The following GPHN variants were observed in gnomAD, a reference collection of about 807,000 sequenced individuals.
GPHN encodes the protein gephyrin.
Under a neutral mutation model 95.5 loss-of-function variants are expected in GPHN, and 17 were observed. The observed-to-expected ratio is 0.18, with a 90% confidence interval of 0.12 to 0.27. The LOEUF is 0.27. GPHN is among the 10% of genes least tolerant of loss of function. The pLI is 1.00. For synonymous variants in GPHN, 320 were observed against 322.5 expected (o/e 0.99, Z 0.08); for missense variants, 660 against 978.1 (o/e 0.67, Z 4.34).
intron 2 of GPHN, among the ~76,000 whole-genome samples, chr14:66,704,020 T>C (rs1595616578): frequency 6.7e-6 from 1 of 148,346 alleles, no homozygotes; most frequent in South Asian, 2.1e-4. Flanking sequence ...GTTGCAATCC[T>C]AGACTCTGAC....
the GPHN span, among the ~76,000 whole-genome samples, chr14:67,423,545 C>G: frequency 6.6e-6 from 1 of 151,964 alleles, no homozygotes; most frequent in Non-Finnish European, 1.5e-5. Context: ...CCAGGGAACT[C>G]AAAGGGAAAG....
chr14:67,347,569 T>C, the GPHN span: 1 of 835,196 alleles, frequency 1.2e-6, no homozygotes, highest in East Asian at 2.7e-5. Context: ...TGGCGTGATC[T>C]CGCCTCACCG....
chr14:66,918,756 A>C (rs1471315455), intron 6 of GPHN, among the ~76,000 whole-genome samples: 1 of 152,130 alleles, frequency 6.6e-6, no homozygotes, highest in East Asian at 1.9e-4. Context: ...GGACCTAGAG[A>C]TCACTCCCAG....
At chr14:66,894,504 G>C (rs1380789265) in intron 5 of GPHN, among the ~76,000 whole-genome samples, 1 of 152,098 alleles carries the variant, frequency 6.6e-6, no homozygotes, top group Non-Finnish European at 1.5e-5. Flanking sequence ...AAGCAAAATT[G>C]ACAAATGGGA....
intron 1 of GPHN, among the ~76,000 whole-genome samples, chr14:66,594,898 G>A (rs574668514): frequency 6.6e-6 from 1 of 152,254 alleles, no homozygotes; most frequent in Admixed American, 6.5e-5. Context: ...GAGAAAGTAT[G>A]TGAGACCATA....
intron 18 of GPHN, among the ~76,000 whole-genome samples, chr14:67,155,526 A>G (rs1212446334): frequency 6.6e-6 from 1 of 152,218 alleles, no homozygotes; most frequent in East Asian, 1.9e-4. Flanking sequence ...TTTAAGAAAA[A>G]GGGATGACAA....
At chr14:67,169,352 A>C (rs2082467124) in intron 21 of GPHN, among the ~76,000 whole-genome samples, 2 of 152,200 alleles carry the variant, frequency 1.3e-5, no homozygotes, top group South Asian at 4.1e-4. Context: ...CTAACACTAG[A>C]CCTGTCTGGA....
chr14:67,150,438 C>T, intron 18 of GPHN, among the ~76,000 whole-genome samples: 1 of 60,120 alleles, frequency 1.7e-5, no homozygotes, highest in Non-Finnish European at 2.3e-5. Flanking sequence ...GAGACTCCGT[C>T]TCAAAAAAAA....
intron 21 of GPHN, among the ~76,000 whole-genome samples, chr14:67,173,871 A>C (rs1415132389): frequency 1.3e-5 from 2 of 152,202 alleles, no homozygotes; most frequent in Non-Finnish European, 2.9e-5. Context: ...TCATAAAAAA[A>C]AACAGAAATC....
chr14:67,410,131 C>T, the GPHN span, among the ~76,000 whole-genome samples: 4 of 152,100 alleles, frequency 2.6e-5, no homozygotes, highest in Admixed American at 6.6e-5. Flanking sequence ...AACCAGGCCA[C>T]CCAGAAGAGA....
the GPHN span, chr14:67,642,292 G>C: frequency 1.2e-6 from 2 of 1,614,112 alleles, no homozygotes; most frequent in Non-Finnish European, 8.5e-7. Flanking sequence ...TTGCCAACCA[G>C]GAACTGGCTG....
intron 9 of GPHN, among the ~76,000 whole-genome samples, chr14:67,011,251 T>C (rs1358085839): frequency 6.6e-6 from 1 of 152,108 alleles, no homozygotes; most frequent in Non-Finnish European, 1.5e-5. Context: ...AAATTTCCTT[T>C]GCATAGAATT....
At chr14:67,591,343 G>A in the GPHN span, among the ~76,000 whole-genome samples, 37 of 152,266 alleles carry the variant, frequency 2.4e-4, 1 homozygote, top group Admixed American at 2.1e-3. Context: ...TCTGGAGCCC[G>A]ATCTTAAACA....
chr14:67,674,292 G>T, the GPHN span: 1 of 1,299,214 alleles, frequency 7.7e-7, no homozygotes, highest in Non-Finnish European at 1.0e-6. Flanking sequence ...ACGCGGGCCC[G>T]GGTCTGGGAG....
At chr14:67,152,775 G>C (rs997164311) in intron 18 of GPHN, among the ~76,000 whole-genome samples, 1 of 152,016 alleles carries the variant, frequency 6.6e-6, no homozygotes, top group Non-Finnish European at 1.5e-5. Context: ...GACCATCCTG[G>C]CCAACATGGG....
At chr14:66,979,302 A>G (rs1466894918) in intron 9 of GPHN, among the ~76,000 whole-genome samples, 1 of 152,184 alleles carries the variant, frequency 6.6e-6, no homozygotes, top group Non-Finnish European at 1.5e-5. Context: ...GCTTCCATTT[A>G]TATAAGGCTG....
At chr14:67,292,937 A>T in the GPHN span, among the ~76,000 whole-genome samples, 1 of 152,168 alleles carries the variant, frequency 6.6e-6, no homozygotes, top group Admixed American at 6.5e-5. Flanking sequence ...TGAAGAGTTA[A>T]TTTTTTATAT....
At chr14:67,117,497 A>C (rs978311943) in intron 16 of GPHN, among the ~76,000 whole-genome samples, 25 of 152,142 alleles carry the variant, frequency 1.6e-4, no homozygotes, top group Non-Finnish European at 3.5e-4. Context: ...AAAAGGGAAA[A>C]ATAGCACTTA....
intron 10 of GPHN, among the ~76,000 whole-genome samples, chr14:67,036,501 G>GCACACACACA (rs762967467): frequency 0.023 from 2,715 of 118,106 alleles, 96 homozygotes; most frequent in African/African-American, 0.057. Context: ...ATACATACAT[G>GCACACACACA]CACACACACA....
Sources: gnomAD v4.1 joint callset for allele counts (sites outside exome capture counted in the v4.1 genomes callset) on GRCh38, gnomAD v4.1.1 for gene constraint, MANE v1.5 for transcripts, NCBI Gene and HGNC (gene_info 2026-07-23, HGNC 2026-07-21) for gene names.